The following PRKCQ variants were observed in gnomAD, a reference collection of about 807,000 sequenced individuals.
The protein encoded by PRKCQ is protein kinase C theta.
Under a neutral mutation model 91.2 loss-of-function variants are expected in PRKCQ, and 41 were observed. That is an observed-to-expected ratio of 0.45 (90% CI 0.35 to 0.58). The LOEUF is 0.58. PRKCQ is among the 20% of genes least tolerant of loss of function. PRKCQ has a pLI of 0.00. For missense variants in PRKCQ, 673 were observed against 896.5 expected (o/e 0.75, Z 3.18); for synonymous variants, 307 against 316.9 (o/e 0.97, Z 0.33).
chr10:6,403,241 G>A, the PRKCQ span, among the ~76,000 whole-genome samples: 539 of 152,280 alleles, frequency 3.5e-3, 2 homozygotes, highest in Non-Finnish European at 3.7e-3. Context: ...GGTGGGGTGC[G>A]GCAGGATTCA....
intron 12 of PRKCQ, among the ~76,000 whole-genome samples, chr10:6,464,948 G>A (rs1210477626): frequency 1.3e-5 from 2 of 152,174 alleles, no homozygotes; most frequent in African/African-American, 4.8e-5. Context: ...CTAGATGCTT[G>A]CGTGTTACAA....
At chr10:6,544,309 T>A (rs955384185) in intron 1 of PRKCQ, among the ~76,000 whole-genome samples, 5 of 152,164 alleles carry the variant, frequency 3.3e-5, no homozygotes, top group Admixed American at 1.3e-4. Context: ...AAAATCAACA[T>A]CGCTCAAGGT....
intron 1 of PRKCQ, among the ~76,000 whole-genome samples, chr10:6,569,216 A>T (rs1840944906): frequency 1.3e-5 from 2 of 152,262 alleles, no homozygotes; most frequent in African/African-American, 2.4e-5. Flanking sequence ...AGTAAGAGAG[A>T]GTGTGGATCC....
chr10:6,519,501 G>T (rs1364730251), intron 1 of PRKCQ, among the ~76,000 whole-genome samples: 2 of 152,088 alleles, frequency 1.3e-5, no homozygotes, highest in Non-Finnish European at 2.9e-5. Context: ...CTAATAACAA[G>T]AATAATCAGG....
At chr10:6,397,818 G>A in the PRKCQ span, among the ~76,000 whole-genome samples, 1 of 152,088 alleles carries the variant, frequency 6.6e-6, no homozygotes, top group Non-Finnish European at 1.5e-5. Context: ...CCAGCTACTC[G>A]GGAGGCTGAG....
intron 15 of PRKCQ, among the ~76,000 whole-genome samples, chr10:6,448,867 A>G (rs570186721): frequency 1.3e-5 from 2 of 152,260 alleles, no homozygotes; most frequent in Non-Finnish European, 2.9e-5. Context: ...CCTGCAGCTG[A>G]GGGTCCTGTT....
intron 2 of PRKCQ, among the ~76,000 whole-genome samples, chr10:6,511,864 A>G (rs2130860947): frequency 6.6e-6 from 1 of 152,330 alleles, no homozygotes; most frequent in South Asian, 2.1e-4. Flanking sequence ...TTCTATAATC[A>G]GCCAAAAACA....
intron 16 of PRKCQ, among the ~76,000 whole-genome samples, chr10:6,435,916 C>A (rs907138349): frequency 4.6e-5 from 7 of 152,122 alleles, no homozygotes; most frequent in Non-Finnish European, 1.0e-4. Flanking sequence ...GAATTTGAGA[C>A]CTGCCTGGGG....
intron 1 of PRKCQ, among the ~76,000 whole-genome samples, chr10:6,552,187 T>C (rs539178885): frequency 1.3e-5 from 2 of 152,190 alleles, no homozygotes; most frequent in Admixed American, 1.3e-4. Flanking sequence ...TGAGCTTATA[T>C]AGCTATTTAT....
chr10:6,473,937 T>C (rs1836130386), intron 12 of PRKCQ, among the ~76,000 whole-genome samples: 1 of 152,082 alleles, frequency 6.6e-6, no homozygotes, highest in African/African-American at 2.4e-5. Context: ...CAAACTTCTC[T>C]GCAAGTGCTA....
intron 1 of PRKCQ, among the ~76,000 whole-genome samples, chr10:6,532,921 A>G (rs943326461): frequency 1.3e-5 from 2 of 152,218 alleles, no homozygotes; most frequent in African/African-American, 2.4e-5. Flanking sequence ...CTAAATTGCA[A>G]TCTATTCTAA....
chr10:6,566,662 T>C (rs920500504), intron 1 of PRKCQ, among the ~76,000 whole-genome samples: 1 of 152,064 alleles, frequency 6.6e-6, no homozygotes, highest in Non-Finnish European at 1.5e-5. Context: ...GGGTTCCTAA[T>C]ATCCTTGTGT....
chr10:6,540,877 C>T (rs1839751693), intron 1 of PRKCQ, among the ~76,000 whole-genome samples: 1 of 152,162 alleles, frequency 6.6e-6, no homozygotes, highest in Non-Finnish European at 1.5e-5. Context: ...ATCTTCACAG[C>T]CTCACCAACA....
Position 6,428,024 on chromosome 10 carries a change from G to GTCA in PRKCQ, c.*180_*182dup. On this transcript the variant is annotated 3_prime_UTR_variant, in exon 18 of 18. Coordinates refer to ENST00000263125, the MANE Select transcript of PRKCQ (RefSeq NM_006257.5). Reference sequence around the variant, plus strand: ...GTCAGGAGACGAGACACACGGCATCGTCATTAGTGAAGTAGACTTGGTTTC... The same window carrying GTCA: ...GTCAGGAGACGAGACACACGGCATCGTCATCATTAGTGAAGTAGACTTGGTTTC... The GTCA allele has an allele frequency of 7.3e-6, 5 of 684,630 alleles. No homozygotes were observed. Among genetic ancestry groups the GTCA allele is most frequent in the Non-Finnish European group, 1.2e-5 (5 of 413,746 alleles). The allele number at this position is 684,630 out of a possible 1,614,324, so 42.4% of individuals were successfully genotyped here.
chr10:6,489,615 GGCATGCGGGGTGAGCGGA>G, intron 8 of PRKCQ: 1 of 395,066 alleles, frequency 2.5e-6, no homozygotes. Context: ...AGGACGCGGG[GGCATGCGGGGTGAGCGGA>G]GCAGGCGGGG....
intron 1 of PRKCQ, 30 bp from the exon 2 acceptor site, chr10:6,515,174 T>A (rs1044428873): frequency 1.2e-6 from 2 of 1,611,302 alleles, no homozygotes; most frequent in Non-Finnish European, 1.7e-6. Flanking sequence ...AAACGCTGTT[T>A]GGGGGCTATA....
chr10:6,481,425 T>C (rs1415031762), intron 11 of PRKCQ, among the ~76,000 whole-genome samples: 1 of 152,258 alleles, frequency 6.6e-6, no homozygotes, highest in East Asian at 1.9e-4. Flanking sequence ...TAACAGGTTA[T>C]AATTGCACAT....
At chr10:6,434,343 G>A (rs907562865) in intron 16 of PRKCQ, among the ~76,000 whole-genome samples, 4 of 152,104 alleles carry the variant, frequency 2.6e-5, no homozygotes, top group Admixed American at 2.0e-4. Context: ...ATGTCAATGG[G>A]CTTTCTTAGC....
At chr10:6,570,206 A>C (rs1840988900) in intron 1 of PRKCQ, among the ~76,000 whole-genome samples, 1 of 152,038 alleles carries the variant, frequency 6.6e-6, no homozygotes, top group African/African-American at 2.4e-5. Context: ...AGTGCGGGTG[A>C]TCATTTCTGA....
Sources: allele counts gnomAD v4.1 joint callset (sites outside exome capture counted in the v4.1 genomes callset), GRCh38; gene constraint gnomAD v4.1.1; transcripts MANE v1.5; gene names NCBI Gene and HGNC (gene_info 2026-07-23, HGNC 2026-07-21).